The following FBXO4 variants were observed in gnomAD, a reference collection of about 807,000 sequenced individuals.
The protein encoded by FBXO4 is F-box only protein 4.
A neutral mutation model predicts 43.7 loss-of-function variants in FBXO4; 36 were observed. The ratio of observed to expected loss-of-function variants is 0.82; its 90% CI spans 0.63 to 1.09. The LOEUF (loss-of-function observed/expected upper bound fraction) is 1.09. Among genes scored for constraint, FBXO4 ranks in the 50% least tolerant of loss-of-function variants. FBXO4 has a pLI of 0.00. For missense variants in FBXO4, 435 were observed against 474.1 expected (o/e 0.92, Z 0.77); for synonymous variants, 180 against 165.6 (o/e 1.09, Z -0.67).
At chr5:41,979,160 A>C in the FBXO4 span, among the ~76,000 whole-genome samples, 1 of 152,172 alleles carries the variant, frequency 6.6e-6, no homozygotes, top group Non-Finnish European at 1.5e-5. Context: ...TCTCAAGGTA[A>C]GATTGGTTAA....
chr5:42,009,170 C>T, the FBXO4 span, among the ~76,000 whole-genome samples: 3 of 152,122 alleles, frequency 2.0e-5, no homozygotes, highest in Admixed American at 2.0e-4. Flanking sequence ...TGCAGTATTT[C>T]TAAGCACTAA....
the FBXO4 span, among the ~76,000 whole-genome samples, chr5:41,971,472 A>G: frequency 6.6e-6 from 1 of 152,036 alleles, no homozygotes; most frequent in East Asian, 1.9e-4. Context: ...CCTGCTAAGA[A>G]TTAAGATATG....
chr5:42,008,140 G>T, the FBXO4 span, among the ~76,000 whole-genome samples: 4 of 152,130 alleles, frequency 2.6e-5, no homozygotes, highest in Non-Finnish European at 5.9e-5. Context: ...TGGGTAACAT[G>T]CCAATAATAG....
chr5:42,011,265 T>C, the FBXO4 span, among the ~76,000 whole-genome samples: 1 of 152,296 alleles, frequency 6.6e-6, no homozygotes, highest in Non-Finnish European at 1.5e-5. Flanking sequence ...ATGGAGACAG[T>C]TTCCTCAAGA....
At chr5:42,030,354 G>C in the FBXO4 span, among the ~76,000 whole-genome samples, 5 of 152,020 alleles carry the variant, frequency 3.3e-5, no homozygotes, top group Admixed American at 6.6e-5. Context: ...CAAGAAATGG[G>C]GAAACGATTC....
chr5:41,964,113 A>T, the FBXO4 span: 1 of 152,222 alleles, frequency 6.6e-6, no homozygotes, highest in Non-Finnish European at 1.5e-5. Context: ...TAGTAAACAA[A>T]AGCAAATATC....
At chr5:41,967,594 A>G in the FBXO4 span, 1 of 1,098,156 alleles carries the variant, frequency 9.1e-7, no homozygotes, top group Non-Finnish European at 1.4e-6. Context: ...TTGACCTTCC[A>G]GCCACAACCA....
the FBXO4 span, among the ~76,000 whole-genome samples, chr5:42,001,395 C>T: frequency 2.6e-5 from 4 of 152,230 alleles, no homozygotes; most frequent in South Asian, 8.3e-4. Context: ...ATGCGCAGCT[C>T]ATTTTGTTGT....
the FBXO4 span, among the ~76,000 whole-genome samples, chr5:42,016,946 C>T: frequency 6.6e-6 from 1 of 151,826 alleles, no homozygotes; most frequent in African/African-American, 2.4e-5. Flanking sequence ...TACTTGTAGC[C>T]AAAAGTATTC....
the FBXO4 span, among the ~76,000 whole-genome samples, chr5:42,006,109 T>C: frequency 6.6e-6 from 1 of 152,154 alleles, no homozygotes; most frequent in Non-Finnish European, 1.5e-5. Flanking sequence ...ATACAAAAGC[T>C]TAGCTTAGCC....
At chr5:42,019,023 G>A in the FBXO4 span, among the ~76,000 whole-genome samples, 1 of 152,168 alleles carries the variant, frequency 6.6e-6, no homozygotes, top group African/African-American at 2.4e-5. Flanking sequence ...ATAGCCATAT[G>A]TGGCTATAGA....
chr5:41,929,821 C>A lies in FBXO4; in HGVS notation c.550C>A (p.Pro184Thr), dbSNP rs1446046973. ...TGAACCACGATTTGCTATGTTTGGA[C>A]CAGGTTTGGAAGAATTGAATACCTC... ...QNEPRFAMFG[P>T]GLEELNTSLV... The change falls in exon 3 of 7, where the codon CCA becomes ACA. Residue 184 changes from proline (P) to threonine (T), a missense_variant. By Grantham distance (38) the Pro-to-Thr change is conservative (BLOSUM62 -1). Transcript: ENST00000281623. 1 of 1,614,096 alleles carries A rather than the reference C, an allele frequency of 6.2e-7. No homozygotes were observed. Among genetic ancestry groups the A allele is most frequent in the Admixed American group, 1.7e-5 (1 of 60,014 alleles).
downstream of FBXO4, among the ~76,000 whole-genome samples, chr5:41,946,667 A>G (rs759531822): frequency 4.6e-5 from 7 of 152,226 alleles, no homozygotes; most frequent in Non-Finnish European, 8.8e-5. Flanking sequence ...ATGACAAATA[A>G]CTTCACATAG....
At chr5:41,926,159 CTAT>C (rs1751491397) in intron 1 of FBXO4, among the ~76,000 whole-genome samples, 1 of 152,196 alleles carries the variant, frequency 6.6e-6, no homozygotes, top group South Asian at 2.1e-4. Context: ...CTCATTTGGA[CTAT>C]TGACACCTCT....
intron 2 of FBXO4, among the ~76,000 whole-genome samples, chr5:41,927,848 A>G (rs939958001): frequency 6.6e-6 from 1 of 152,178 alleles, no homozygotes; most frequent in Non-Finnish European, 1.5e-5. Context: ...TGATTTGCCT[A>G]AAGTCATATA....
chr5:41,967,530 G>A, the FBXO4 span: 2 of 932,788 alleles, frequency 2.1e-6, no homozygotes, highest in South Asian at 1.3e-5. Flanking sequence ...CCTCCGTGAC[G>A]TTCATGCACC....
At chr5:42,035,145 G>T in the FBXO4 span, among the ~76,000 whole-genome samples, 3 of 151,964 alleles carry the variant, frequency 2.0e-5, no homozygotes, top group African/African-American at 7.3e-5. Context: ...TTATAGGAAT[G>T]CTTGTGATTT....
chr5:42,008,453 T>G, the FBXO4 span, among the ~76,000 whole-genome samples: 1 of 152,154 alleles, frequency 6.6e-6, no homozygotes, highest in Non-Finnish European at 1.5e-5. Flanking sequence ...TGTTTTGATA[T>G]GCACCATGGA....
rs1272248273 is a variant in FBXO4 at position 41,927,105 on chromosome 5, A to G, written c.282A>G (p.Arg94=). 1.2e-6 allele frequency: 2 copies of G among 1,613,794 alleles called. No individual in the cohort carries two copies. Among genetic ancestry groups the G allele is most frequent in the Non-Finnish European group, 1.7e-6 (2 of 1,179,818 alleles). ...STNHYWNETV[R]DPILWRYFLL... is the part of the protein sequence containing the mutation. Reference sequence around the variant, plus strand: ...ATCATTATTGGAATGAAACTGTAAGAGATCCAATTCTGTGGAGATACTTTT... The same window carrying G: ...ATCATTATTGGAATGAAACTGTAAGGGATCCAATTCTGTGGAGATACTTTT... The change falls in exon 2 of 7, where the codon AGA becomes AGG. Residue 94 remains arginine (R), a synonymous_variant. Transcript: ENST00000281623.
Sources: allele counts gnomAD v4.1 joint callset (sites outside exome capture counted in the v4.1 genomes callset), GRCh38; gene constraint gnomAD v4.1.1; transcripts MANE v1.5; gene names NCBI Gene and HGNC (gene_info 2026-07-23, HGNC 2026-07-21).